Variants in OR52I2 observed in about 807,000 individuals in gnomAD.
OR52I2 encodes the protein olfactory receptor family 52 subfamily I member 2.
For missense variants in OR52I2, 350 were observed against 402.4 expected, an observed-to-expected ratio of 0.87 and a Z score of 1.11; for synonymous variants, 147 against 151.9, an observed-to-expected ratio of 0.97 and a Z score of 0.24.
chr11:4,591,909 T>G (rs546928420), exon 2 of OR52I2: 23 of 152,284 alleles, frequency 1.5e-4, no homozygotes, highest in African/African-American at 4.6e-4. Flanking sequence ...TGACCTATAA[T>G]GGAACAGATA....
At chr11:4,584,048 T>G (rs892836944) in intron 1 of OR52I2, among the ~76,000 whole-genome samples, 1 of 152,188 alleles carries the variant, frequency 6.6e-6, no homozygotes, top group African/African-American at 2.4e-5. Context: ...GTAGAAGTGA[T>G]GCCCCGATGA....
At chr11:4,587,956 G>A (rs1846321542) in exon 2 of OR52I2, 3 of 1,046,854 alleles carry the variant, frequency 2.9e-6, no homozygotes, top group East Asian at 4.8e-5. Flanking sequence ...ATTCTAAGAT[G>A]AAGGTGTAAA....
Position 4,587,130 on chromosome 11 carries a change from G to C in OR52I2, c.240G>C (p.Ser80=), listed in dbSNP as rs149411057. ...CTGTGGACATTGTTATGGCCTCCTC[G>C]GTGGTACCCAAGATGGTGAGCATCT... The change falls in exon 2 of 2, where the codon TCG becomes TCC. Residue 80 remains serine (S), a synonymous_variant. Transcript: ENST00000641896. 1.1e-4 allele frequency: 171 copies of C among 1,614,110 alleles called. 1 individual carries two copies. In the African/African-American group the frequency reaches 1.1e-3, roughly 11 times the overall value.
chr11:4,592,903 T>G (rs984989884), exon 2 of OR52I2: 5 of 152,220 alleles, frequency 3.3e-5, no homozygotes, highest in Non-Finnish European at 2.9e-5. Flanking sequence ...GTTTTATCCA[T>G]AGTTGTCTTG....
intron 1 of OR52I2, among the ~76,000 whole-genome samples, chr11:4,583,361 T>G (rs1846275097): frequency 6.6e-6 from 1 of 152,134 alleles, no homozygotes; most frequent in Non-Finnish European, 1.5e-5. Context: ...AAGCATCAGC[T>G]GAGGCTGCCT....
exon 2 of OR52I2, chr11:4,588,032 G>A (rs1013590235): frequency 9.4e-6 from 6 of 639,638 alleles, no homozygotes; most frequent in Non-Finnish European, 1.6e-5. Flanking sequence ...GATTTTCTGA[G>A]GGCTTTCTCA....
chr11:4,586,984 G>C, exon 2 of OR52I2: 1 of 1,614,076 alleles, frequency 6.2e-7, no homozygotes, highest in Non-Finnish European at 8.5e-7. Flanking sequence ...TCTTTGGCTG[G>C]CTATCTCACT....
Position 4,586,810 on chromosome 11 carries a change from C to A in OR52I2, c.-19-62C>A, listed in dbSNP as rs779103720. On this transcript the variant is annotated intron_variant, in intron 1 of 1. Coordinates refer to ENST00000641896, the Ensembl canonical transcript of OR52I2. Reference sequence around the variant, plus strand: ...GAATATCCTTAGGTTTTCCCAGCACCACATGTGTCAACAAATCTTACGGGA... The same window carrying A: ...GAATATCCTTAGGTTTTCCCAGCACAACATGTGTCAACAAATCTTACGGGA... 6.6e-5 allele frequency: 107 copies of A among 1,611,636 alleles called. No homozygotes were observed. In the South Asian group the frequency reaches 1.2e-3, roughly 17 times the overall value.
chr11:4,586,542 G>A (rs1239190569), intron 1 of OR52I2, among the ~76,000 whole-genome samples: 5 of 152,148 alleles, frequency 3.3e-5, no homozygotes, highest in Admixed American at 6.5e-5. Flanking sequence ...TCTAGGGAGA[G>A]CATTACAATG....
At position 4,587,739 on chromosome 11, in the gene OR52I2, C is replaced by T. The variant is rs139021329; in HGVS notation, c.849C>T (p.Asp283=). 15 of 1,614,138 alleles carry T rather than the reference C, an allele frequency of 9.3e-6. No individual in the cohort carries two copies. In the African/African-American group the frequency reaches 1.1e-4, roughly 11 times the overall value. The stretch of plus-strand genomic sequence containing the variant: ...TGCACACCCAAGTCCTGCTAGCTGA[C>T]CTGTACGTGATCATCCCAGCCACCT... Residue 283 remains aspartate, a synonymous_variant, in exon 2 of 2, where the codon GAC becomes GAT. Transcript: ENST00000641896.
chr11:4,592,859 T>G (rs1846362123), exon 2 of OR52I2: 1 of 152,224 alleles, frequency 6.6e-6, no homozygotes, highest in African/African-American at 2.4e-5. Flanking sequence ...TATCTTTGTC[T>G]CATCAAACGT....
chr11:4,586,745 A>G, intron 1 of OR52I2, 127 bp from the exon 2 acceptor site: 2 of 1,343,816 alleles, frequency 1.5e-6, no homozygotes, highest in Admixed American at 3.8e-5. Flanking sequence ...TAATTTTGTC[A>G]GATGCCACAT....
At chr11:4,587,442 G>A (rs1846314368) in exon 2 of OR52I2, 2 of 1,614,046 alleles carry the variant, frequency 1.2e-6, no homozygotes, top group Admixed American at 1.7e-5. Context: ...CCTACTGTGA[G>A]CACATAGCTT....
exon 2 of OR52I2, chr11:4,587,266 C>T (rs756769750): frequency 2.9e-5 from 46 of 1,613,838 alleles, no homozygotes; most frequent in South Asian, 2.0e-4. Flanking sequence ...GGCTTTTGAC[C>T]GCTATGTAGC....
In OR52I2 at chr11:4,583,949, T is replaced by C. The variant is rs183770872; in HGVS notation, c.-20+2085T>C. Among the ~76,000 whole-genome samples, 5 of 152,320 alleles carry C rather than the reference T, an allele frequency of 3.3e-5. No homozygotes were observed. In the East Asian group the frequency reaches 9.6e-4, roughly 29 times the overall value. On this transcript the variant is annotated intron_variant, in intron 1 of 1. Transcript: ENST00000641896. ...ATTAAGAACCTGGTAAATGTTCCTC[T>C]AGTGCTTGGCTAACAGAGAAAATGT...
At chr11:4,590,896 A>T (rs974446352) in exon 2 of OR52I2, 8 of 152,196 alleles carry the variant, frequency 5.3e-5, no homozygotes, top group Non-Finnish European at 8.8e-5. Flanking sequence ...GGATATCACT[A>T]ATTTATTCAA....
chr11:4,582,434 ATTTTTTT>A (rs386372959), intron 1 of OR52I2, among the ~76,000 whole-genome samples: 43 of 96,470 alleles, frequency 4.5e-4, no homozygotes, highest in Admixed American at 3.2e-3. Flanking sequence ...TTTATTTTTC[ATTTTTTT>A]TTTTTTTTTT....
Position 4,586,807 on chromosome 11 carries a change from C to A in OR52I2, c.-19-65C>A, listed in dbSNP as rs755175718. On this transcript the variant is annotated intron_variant, in intron 1 of 1. Coordinates refer to ENST00000641896, the Ensembl canonical transcript of OR52I2. ...TGAGAATATCCTTAGGTTTTCCCAGCACCACATGTGTCAACAAATCTTACG... is the reference window on the plus strand; with the variant it reads ...TGAGAATATCCTTAGGTTTTCCCAGAACCACATGTGTCAACAAATCTTACG... 35 of 1,610,360 alleles carry A rather than the reference C, an allele frequency of 2.2e-5. No individual in the cohort carries two copies. In the East Asian group the frequency reaches 7.4e-4, roughly 34 times the overall value.
exon 2 of OR52I2, chr11:4,587,410 G>A (rs1846313948): frequency 6.2e-7 from 1 of 1,613,872 alleles, no homozygotes; most frequent in African/African-American, 1.3e-5. Context: ...ACCTTTCTGT[G>A]GCTCCAATGT....
Sources: allele counts gnomAD v4.1 joint callset (sites outside exome capture counted in the v4.1 genomes callset), GRCh38; gene constraint gnomAD v4.1.1; transcripts MANE v1.5; gene names NCBI Gene and HGNC (gene_info 2026-07-23, HGNC 2026-07-21).